The following PIEZO1 variants were observed in gnomAD, a reference collection of about 807,000 sequenced individuals.
The protein encoded by PIEZO1 is piezo-type mechanosensitive ion channel component 1.
In PIEZO1, 296 loss-of-function variants were observed where a neutral mutation model predicts 297.2. The ratio of observed to expected loss-of-function variants is 1.00; its 90% confidence interval spans 0.91 to 1.10. The LOEUF (loss-of-function observed/expected upper bound fraction) is 1.10, where lower values mean the gene tolerates loss of function less well. Ranked by LOEUF, PIEZO1 falls within the 50% of genes least tolerant of loss-of-function variation. PIEZO1 has a pLI of 0.00. For missense variants in PIEZO1, 5,018 were observed against 3,455.5 expected (o/e 1.45, Z -11.34); for synonymous variants, 2,427 against 1,507.5 (o/e 1.61, Z -14.13).
At chr16:88,738,180 G>A (rs762904437) in intron 7 of PIEZO1, 47 bp downstream of exon 7, 300 of 1,533,648 alleles carry the variant, frequency 2.0e-4, no homozygotes, top group Non-Finnish European at 2.5e-4. Flanking sequence ...AGCCAGGTGG[G>A]CGGGACCAGG....
chr16:88,775,971 C>T (rs1036065016), intron 1 of PIEZO1, among the ~76,000 whole-genome samples: 1 of 152,078 alleles, frequency 6.6e-6, no homozygotes, highest in East Asian at 1.9e-4. Flanking sequence ...CCACGGGAGG[C>T]GCCAACCAGA....
Position 88,785,018 on chromosome 16 carries a change from G to C in PIEZO1, c.-54C>G. On this transcript the variant is annotated 5_prime_UTR_variant, in exon 1 of 51. Transcript: ENST00000301015. ...CCGAGCGGACGCCGCGGCGCTATGG[G>C]GCGGTGCGGGGGCCCCGGGGCCGGC... The C allele has an allele frequency of 9.0e-7, 1 of 1,106,212 alleles. No individual in the cohort carries two copies. Among genetic ancestry groups the C allele is most frequent in the South Asian group, 4.2e-5 (1 of 23,800 alleles). 68.5% of individuals were successfully genotyped at this position (1,106,212 alleles called of 1,614,324 possible).
Position 88,719,833 on chromosome 16 carries a change from A to G in PIEZO1, c.6292T>C (p.Tyr2098His). The change falls in exon 43 of 51, where the codon TAC becomes CAC. Residue 2098 changes from tyrosine (Y) to histidine (H), a missense_variant. Tyr to His is a moderately conservative substitution (Grantham distance 83). Coordinates refer to ENST00000301015, the MANE Select transcript of PIEZO1 (RefSeq NM_001142864.4). ...RILGNFLTKK[Y>H]NHLNLFLFQG... ...AAGAGGAAGAGGTTGAGATGATTGT[A>G]CTTCTTGGTGAGGAAGTTGCCGAGG... 6.4e-7 allele frequency: 1 copy of G among 1,550,524 alleles called. No homozygotes were observed. Among genetic ancestry groups the G allele is most frequent in the Non-Finnish European group, 8.7e-7 (1 of 1,146,944 alleles).
chr16:88,743,021 T>C (rs924543010), intron 2 of PIEZO1: 2 of 455,678 alleles, frequency 4.4e-6, no homozygotes, highest in African/African-American at 4.0e-5. Context: ...AGGCACCTGC[T>C]GTGCACCAGG....
chr16:88,726,008 A>G, intron 27 of PIEZO1: 1 of 567,624 alleles, frequency 1.8e-6, no homozygotes, highest in Non-Finnish European at 3.1e-6. Flanking sequence ...CCGCTGGTGG[A>G]GAAACTTAGC....
intron 1 of PIEZO1, 139 bp from the exon 2 acceptor site, chr16:88,749,618 G>A (rs1047861027): frequency 4.0e-5 from 26 of 642,742 alleles, no homozygotes; most frequent in Non-Finnish European, 5.4e-5. Flanking sequence ...CAGAGCCGTG[G>A]AAGCCGCCTC....
chr16:88,716,974 C>G, intron 45 of PIEZO1, 49 bp downstream of exon 45: 1 of 1,547,714 alleles, frequency 6.5e-7, no homozygotes, highest in Non-Finnish European at 8.7e-7. Context: ...CCACCTTGGC[C>G]AGAACCCCCA....
chr16:88,731,057 C>G (rs1357662488), intron 22 of PIEZO1: 1 of 154,868 alleles, frequency 6.5e-6, no homozygotes, highest in Non-Finnish European at 1.4e-5. Flanking sequence ...GTGCCTTGAG[C>G]AGACCTGCAG....
chr16:88,726,942 G>A lies in PIEZO1; in HGVS notation c.3472C>T (p.Leu1158=), dbSNP rs1389018206. The change falls in exon 25 of 51, where the codon CTG becomes TTG. Residue 1158 remains leucine, a synonymous_variant. Coordinates refer to ENST00000301015, the MANE Select transcript of PIEZO1 (RefSeq NM_001142864.4). ...AGGTATCGGAAGACGGCCACCTTCA[G>A]CATGTCAAGGTAGGACCTGCCAGGC... ...FIHCRSYLDM[L]KVAVFRYLFW... 3 of 1,550,290 alleles carry A rather than the reference G, an allele frequency of 1.9e-6. No individual in the cohort carries two copies. Among genetic ancestry groups the A allele is most frequent in the East Asian group, 4.9e-5 (2 of 40,932 alleles).
chr16:88,723,238 G>C lies in PIEZO1; in HGVS notation c.4426C>G (p.Gln1476Glu), dbSNP rs1300994588. The change falls in exon 32 of 51, where the codon CAG becomes GAG. Residue 1476 changes from glutamine to glutamate, a missense_variant. By Grantham distance (29) the Gln-to-Glu change is conservative. Coordinates refer to ENST00000301015, the MANE Select transcript of PIEZO1 (RefSeq NM_001142864.4). ...QEQARQEQAG[Q>E]LPTGGGPSQE... is the part of the protein sequence containing the mutation. The stretch of plus-strand genomic sequence containing the variant: ...CCCCCCAGCTCACCTGTGGGTAGCT[G>C]TCCTGCCTGTTCCTGCCTTGCCTGC... 3 of 1,546,668 alleles carry C rather than the reference G, an allele frequency of 1.9e-6. No homozygotes were observed. The highest frequency in any genetic ancestry group is 2.6e-6 in the Non-Finnish European group (3 of 1,146,830).
intron 10 of PIEZO1, chr16:88,737,337 G>A: frequency 1.9e-6 from 1 of 526,504 alleles, no homozygotes; most frequent in Non-Finnish European, 3.4e-6. Context: ...CCACTCAGCT[G>A]CCCTGGGGGT....
intron 1 of PIEZO1, among the ~76,000 whole-genome samples, chr16:88,751,704 C>T (rs1478524776): frequency 6.6e-6 from 1 of 152,092 alleles, no homozygotes; most frequent in Non-Finnish European, 1.5e-5. Context: ...AAGATCTGGC[C>T]CAAGAGGCAG....
intron 30 of PIEZO1, 138 bp from the exon 31 acceptor site, chr16:88,724,109 A>G: frequency 1.6e-6 from 1 of 622,890 alleles, no homozygotes; most frequent in Non-Finnish European, 2.9e-6. Flanking sequence ...CACAAGACAC[A>G]GGCCAGCGCG....
rs1904459355 is a variant in PIEZO1 at position 88,726,663 on chromosome 16, G to GCGGGGCCAC, written c.3700-21_3700-20insGTGGCCCCG. On this transcript the variant is annotated intron_variant, in intron 25 of 50. Transcript: ENST00000301015. ...CAGGAGCTGGGGGAGAGCAGGGTCA[G>GCGGGGCCAC]CGGGGCCAGCGGGGCCCCAGGGCGG... 1 of 1,546,646 alleles carries GCGGGGCCAC rather than the reference G, an allele frequency of 6.5e-7. No homozygotes were observed. The highest frequency in any genetic ancestry group is 1.4e-5 in the African/African-American group (1 of 73,006).
Position 88,749,319 on chromosome 16 carries a change from T to C in PIEZO1, c.160+65A>G, listed in dbSNP as rs1906258725. 14 of 1,061,462 alleles carry C rather than the reference T, an allele frequency of 1.3e-5. 2 individuals carry two copies. The South Asian group carries it at 2.2e-4, about 17-fold the overall frequency. 65.8% of individuals were successfully genotyped at this position (1,061,462 alleles called of 1,614,324 possible). A position where few individuals can be genotyped will look rare whatever the true frequency, so the allele number is the denominator to read the frequency against. Reference sequence around the variant, plus strand: ...AAAGGTGAGGAAAGCTGTACGAATTTTGGCCCCAAACGAATGCCCACCCCC... The same window carrying C: ...AAAGGTGAGGAAAGCTGTACGAATTCTGGCCCCAAACGAATGCCCACCCCC... On this transcript the variant is annotated intron_variant, in intron 2 of 50. Coordinates refer to ENST00000301015, the MANE Select transcript of PIEZO1 (RefSeq NM_001142864.4).
At chr16:88,749,298 G>A (rs963720435) in intron 2 of PIEZO1, 86 bp downstream of exon 2, 8 of 853,020 alleles carry the variant, frequency 9.4e-6, no homozygotes, top group Non-Finnish European at 1.4e-5. Flanking sequence ...GCTGTTAAAG[G>A]TGAGGAAAGC....
At position 88,733,409 on chromosome 16, in the gene PIEZO1, G is replaced by C. The variant is rs1294901617; in HGVS notation, c.2533C>G (p.Leu845Val). 6.5e-7 allele frequency: 1 copy of C among 1,549,992 alleles called. No individual in the cohort carries two copies. Among genetic ancestry groups the C allele is most frequent in the African/African-American group, 1.4e-5 (1 of 73,140 alleles). Residue 845 changes from leucine to valine, a missense_variant, in exon 19 of 51, where the codon CTG (leucine) becomes GTG (valine). Coordinates refer to ENST00000301015, the MANE Select transcript of PIEZO1 (RefSeq NM_001142864.4). Reference protein sequence around the residue: ...LLLVVLWAFALPYPRFRPMAS... With the variant: ...LLLVVLWAFAVPYPRFRPMAS... ...ATGGGCCGGAAGCGTGGGTAGGGCA[G>C]GGCGAAGGCCCACAGCACCACCAGC...
At chr16:88,773,567 AG>A in intron 1 of PIEZO1, among the ~76,000 whole-genome samples, 1 of 152,222 alleles carries the variant, frequency 6.6e-6, no homozygotes, top group East Asian at 1.9e-4. Context: ...TGAGGTCTCC[AG>A]GCTCCTAGGA....
At chr16:88,770,388 G>T (rs899179953) in intron 1 of PIEZO1, among the ~76,000 whole-genome samples, 2 of 152,026 alleles carry the variant, frequency 1.3e-5, no homozygotes, top group African/African-American at 4.8e-5. Context: ...CGACCTTTAG[G>T]AGTCTGCAGT....
Sources: allele counts gnomAD v4.1 joint callset (sites outside exome capture counted in the v4.1 genomes callset), GRCh38; gene constraint gnomAD v4.1.1; transcripts MANE v1.5; gene names NCBI Gene and HGNC (gene_info 2026-07-23, HGNC 2026-07-21).